Variants in ARMC3 observed in about 807,000 individuals in gnomAD.
The protein encoded by ARMC3 is armadillo repeat containing 3.
A neutral mutation model predicts 90.3 loss-of-function variants in ARMC3; 74 were observed. The observed-to-expected ratio is 0.82, with a 90% CI of 0.68 to 0.99. The LOEUF (loss-of-function observed/expected upper bound fraction) is 0.99, where lower values mean the gene tolerates loss of function less well. ARMC3 is among the 50% of genes least tolerant of loss of function. The probability of loss-of-function intolerance (pLI) is 0.00; values close to 1 mark genes in which losing one functional copy is unlikely to be tolerated. For missense variants in ARMC3, 958 were observed against 1,042.8 expected (o/e 0.92, Z 1.12); for synonymous variants, 334 against 361.8 (o/e 0.92, Z 0.87).
chr10:23,037,560 T>A lies in ARMC3; in HGVS notation c.*81T>A. The A allele has an allele frequency of 8.5e-7, 1 of 1,179,794 alleles. No homozygotes were observed. Among genetic ancestry groups the A allele is most frequent in the Non-Finnish European group, 1.1e-6 (1 of 874,386 alleles). 73.1% of individuals were successfully genotyped at this position (1,179,794 alleles called of 1,614,324 possible). On this transcript the variant is annotated 3_prime_UTR_variant, in exon 19 of 19. Coordinates refer to ENST00000298032, the MANE Select transcript of ARMC3 (RefSeq NM_173081.5). ...TAAGACATTCTCCAAATTGATTTTA[T>A]CTCTTTAAATAAAAACTTTAAATAA...
At chr10:23,017,097 GAGAA>G (rs1400795728) in intron 16 of ARMC3, among the ~76,000 whole-genome samples, 1 of 151,082 alleles carries the variant, frequency 6.6e-6, no homozygotes, top group Non-Finnish European at 1.5e-5. Flanking sequence ...TTACAAATAA[GAGAA>G]AGGGGTTAAG....
intron 16 of ARMC3, among the ~76,000 whole-genome samples, chr10:23,029,674 G>T (rs757587065): frequency 3.9e-4 from 60 of 152,024 alleles, no homozygotes; most frequent in Non-Finnish European, 7.6e-4. Flanking sequence ...CTTTTCCATT[G>T]GACAGGAATT....
chr10:22,951,749 A>G (rs1834747942), intron 3 of ARMC3, among the ~76,000 whole-genome samples: 1 of 151,932 alleles, frequency 6.6e-6, no homozygotes, highest in Admixed American at 6.6e-5. Context: ...AAGTATTTAG[A>G]GAGAAGTTTA....
chr10:22,949,104 C>T (rs1227683303), intron 3 of ARMC3, among the ~76,000 whole-genome samples: 1 of 152,068 alleles, frequency 6.6e-6, no homozygotes, highest in African/African-American at 2.4e-5. Context: ...AGATTGTGCA[C>T]TGTTCTAGTA....
intron 4 of ARMC3, among the ~76,000 whole-genome samples, chr10:22,958,788 C>T (rs1433184425): frequency 6.6e-6 from 1 of 152,196 alleles, no homozygotes; most frequent in East Asian, 1.9e-4. Context: ...GTGGCGTGAT[C>T]TCAGCTCACT....
chr10:23,031,989 T>C (rs891367658), intron 17 of ARMC3, among the ~76,000 whole-genome samples: 6 of 152,186 alleles, frequency 3.9e-5, no homozygotes, highest in Non-Finnish European at 7.3e-5. Context: ...CGCTAGCTCA[T>C]GCTTGTAATC....
At position 23,003,740 on chromosome 10, in the gene ARMC3, G is replaced by A. The variant is rs138515828; in HGVS notation, c.1731+326G>A. Among the ~76,000 whole-genome samples the A allele has an allele frequency of 9.1e-4, 138 of 152,246 alleles. 3 individuals are homozygous for A. The highest frequency in any genetic ancestry group is 2.7e-3 in the African/African-American group (112 of 41,534). ...TTCAGGAGGCTGAAGCAGGAGGATT[G>A]CTTGAGACCAAGAGCCCAGGAGTTT... is the stretch of plus-strand genomic sequence containing the variant. On this transcript the variant is annotated intron_variant, in intron 13 of 18. Transcript: ENST00000298032.
intron 2 of ARMC3, among the ~76,000 whole-genome samples, chr10:22,933,989 G>A (rs1047889305): frequency 2.6e-5 from 4 of 152,138 alleles, no homozygotes; most frequent in African/African-American, 9.7e-5. Flanking sequence ...CTTCAAAGCA[G>A]TATGCCACAA....
At chr10:23,014,912 C>T (rs1316114746) in intron 16 of ARMC3, among the ~76,000 whole-genome samples, 1 of 149,144 alleles carries the variant, frequency 6.7e-6, no homozygotes, top group African/African-American at 2.5e-5. Flanking sequence ...AAAAAAAACC[C>T]CATGACACAA....
Position 23,008,868 on chromosome 10 carries a change from C to G in ARMC3, c.1982C>G (p.Ser661Ter). Reference protein sequence around the residue: ...AGFGSPIEDKSEPASGRNTVL... With the variant: ...AGFGSPIEDK ...TTTGGATCTCCCATAGAAGACAAAT[C>G]AGAGCCAGCTTCTGGACGAAATACT... Residue 661 changes from serine to a stop codon, truncating the protein, a stop_gained, in exon 16 of 19, where the codon TCA (serine) becomes TGA (stop). Coordinates refer to ENST00000298032, the MANE Select transcript of ARMC3 (RefSeq NM_173081.5). LOFTEE classifies it high-confidence loss of function. 1 of 1,613,726 alleles carries G rather than the reference C, an allele frequency of 6.2e-7. No homozygotes were observed. Among genetic ancestry groups the G allele is most frequent in the Non-Finnish European group, 8.5e-7 (1 of 1,179,854 alleles).
chr10:22,994,607 G>A (rs556806945), intron 10 of ARMC3, among the ~76,000 whole-genome samples: 5 of 151,986 alleles, frequency 3.3e-5, no homozygotes, highest in Non-Finnish European at 5.9e-5. Flanking sequence ...ATGGGAAACC[G>A]TGAAAGTTTT....
intron 16 of ARMC3, among the ~76,000 whole-genome samples, chr10:23,019,020 G>A (rs1838402485): frequency 6.6e-6 from 1 of 152,238 alleles, no homozygotes; most frequent in Non-Finnish European, 1.5e-5. Flanking sequence ...GGGCTGTCCA[G>A]CCTCACTGCT....
At chr10:23,009,617 A>T (rs552482508) in intron 16 of ARMC3, among the ~76,000 whole-genome samples, 1 of 152,042 alleles carries the variant, frequency 6.6e-6, no homozygotes, top group African/African-American at 2.4e-5. Flanking sequence ...TCCTGCTTCA[A>T]CCTCCTAAGT....
chr10:22,958,783 G>A (rs984768694), intron 4 of ARMC3, among the ~76,000 whole-genome samples: 4 of 152,132 alleles, frequency 2.6e-5, no homozygotes, highest in African/African-American at 7.2e-5. Flanking sequence ...GTACAGTGGC[G>A]TGATCTCAGC....
intron 16 of ARMC3, among the ~76,000 whole-genome samples, chr10:23,011,693 TCTC>T (rs1838021164): frequency 6.6e-6 from 1 of 152,074 alleles, no homozygotes; most frequent in Non-Finnish European, 1.5e-5. Context: ...TTTTACAGCC[TCTC>T]CTCTAACTGT....
chr10:23,023,849 G>A (rs889116951), intron 16 of ARMC3, among the ~76,000 whole-genome samples: 4 of 151,986 alleles, frequency 2.6e-5, no homozygotes, highest in Non-Finnish European at 5.9e-5. Context: ...AAGCCTCAAG[G>A]ACTTACGGGA....
intron 10 of ARMC3, 37 bp from the exon 11 acceptor site, chr10:22,998,111 C>A (rs1307782506): frequency 6.3e-7 from 1 of 1,597,556 alleles, no homozygotes; most frequent in Non-Finnish European, 8.5e-7. Context: ...TTTTTGAATT[C>A]AGATGAATCA....
chr10:23,016,308 T>C (rs889652218), intron 16 of ARMC3, among the ~76,000 whole-genome samples: 2 of 152,206 alleles, frequency 1.3e-5, no homozygotes, highest in African/African-American at 4.8e-5. Flanking sequence ...AATTATGTAT[T>C]TCAATAGTTG....
At chr10:22,928,642 G>A (rs953276608) in intron 1 of ARMC3, among the ~76,000 whole-genome samples, 1 of 152,146 alleles carries the variant, frequency 6.6e-6, no homozygotes, top group Non-Finnish European at 1.5e-5. Flanking sequence ...AAATAGTTGG[G>A]GATAATGGAT....
Sources: gnomAD v4.1 joint callset for allele counts (sites outside exome capture counted in the v4.1 genomes callset) on GRCh38, gnomAD v4.1.1 for gene constraint, MANE v1.5 for transcripts, NCBI Gene and HGNC (gene_info 2026-07-23, HGNC 2026-07-21) for gene names.